The following APMAP variants were observed in gnomAD, a reference collection of about 807,000 sequenced individuals.
APMAP encodes adipocyte plasma membrane-associated protein.
APMAP carries 33 observed loss-of-function variants against 43.6 expected under a neutral mutation model. The observed-to-expected ratio is 0.76, with a 90% CI of 0.57 to 1.01. The LOEUF is 1.01. Ranked by LOEUF, APMAP falls within the 50% of genes least tolerant of loss-of-function variation. APMAP has a pLI of 0.00. For missense variants in APMAP, 498 were observed against 540.7 expected, an observed-to-expected ratio of 0.92 and a Z score of 0.78; for synonymous variants, 224 against 216.7, an observed-to-expected ratio of 1.03 and a Z score of -0.30.
rs536685656 is a variant in APMAP, at chr20:24,987,786, T to TA, written c.96-3768dup. ...GTGAATTACATCTCAATAAAGATGT[T>TA]AAAAAAAAACAAAAACAAAACAAAG... On this transcript the variant is annotated intron_variant, in intron 1 of 8. Transcript: ENST00000217456. 3.1e-4 allele frequency among the ~76,000 whole-genome samples: 47 copies of TA among 151,034 alleles called. No homozygotes were observed. The Middle Eastern group carries it at 0.014, about 44-fold the overall frequency.
Position 24,968,980 on chromosome 20 carries a change from A to C in APMAP, c.953T>G (p.Val318Gly). 1 of 1,614,022 alleles carries C rather than the reference A, an allele frequency of 6.2e-7. No homozygotes were observed. Among genetic ancestry groups the C allele is most frequent in the Non-Finnish European group, 8.5e-7 (1 of 1,179,988 alleles). ...GTTAGGGCGGATGGTCGACATGCCC[A>C]CCCAGTACCCCCCAGAGCTGCTGGG... is the stretch of plus-strand genomic sequence containing the variant. ...IRPSSSGGYW[V>G]GMSTIRPNPG... The change falls in exon 8 of 9, where the codon GTG (valine) becomes GGG (glycine). Residue 318 changes from valine (V) to glycine (G), a missense_variant. Coordinates refer to ENST00000217456, the MANE Select transcript of APMAP (RefSeq NM_020531.3).
Position 24,988,722 on chromosome 20 carries a change from C to T in APMAP, c.95+3872G>A, listed in dbSNP as rs118059533. Among the ~76,000 whole-genome samples, 110 of 152,358 alleles carry T rather than the reference C, an allele frequency of 7.2e-4. No individual in the cohort carries two copies. The East Asian group carries it at 0.017, about 23-fold the overall frequency. ...GCTGGACACCACTAACTCTATGCAG[C>T]TCCCTTCCCAGTCAGACTTCACCAA... On this transcript the variant is annotated intron_variant, in intron 1 of 8. Transcript: ENST00000217456.
chr20:24,983,659 T>G (rs2088123148), intron 2 of APMAP, among the ~76,000 whole-genome samples: 1 of 152,228 alleles, frequency 6.6e-6, no homozygotes, highest in South Asian at 2.1e-4. Context: ...TTCTCTAATT[T>G]TGAATTTTTG....
rs2087999373 is a variant in APMAP at position 24,971,469 on chromosome 20, G to T, written c.529C>A (p.Pro177Thr). The change falls in exon 5 of 9, where the codon CCC (proline) becomes ACC (threonine). Residue 177 changes from proline (P) to threonine (T), a missense_variant. Transcript: ENST00000217456. ...DAYKGLFEVN[P>T]WKREVKLLLS... ...AGATATTGTCACATACGTTTCCAGG[G>T]ATTTACTTCAAATAGTCCCTTGTAT... The T allele has an allele frequency of 1.9e-6, 3 of 1,613,348 alleles. No homozygotes were observed. Among genetic ancestry groups the T allele is most frequent in the Middle Eastern group, 1.7e-4 (1 of 6,054 alleles).
intron 5 of APMAP, 90 bp from the exon 6 acceptor site, chr20:24,970,461 G>C: frequency 6.0e-5 from 69 of 1,157,240 alleles, no homozygotes; most frequent in East Asian, 1.0e-4. Context: ...GATTTAAAAA[G>C]AAAAACTGAA....
chr20:24,967,068 T>C (rs1444301462), intron 8 of APMAP, among the ~76,000 whole-genome samples: 1 of 151,914 alleles, frequency 6.6e-6, no homozygotes, highest in Non-Finnish European at 1.5e-5. Context: ...CTGAGACGGG[T>C]GGATTACTTG....
intron 1 of APMAP, among the ~76,000 whole-genome samples, chr20:24,985,032 T>A (rs1295926372): frequency 6.6e-6 from 1 of 152,182 alleles, no homozygotes; most frequent in Non-Finnish European, 1.5e-5. Flanking sequence ...AGGGTTTGAT[T>A]TTTGACAGAA....
Position 24,972,337 on chromosome 20 carries a change from G to A in APMAP, c.422-761C>T, listed in dbSNP as rs534542189. Among the ~76,000 whole-genome samples the A allele has an allele frequency of 2.7e-5, 4 of 147,092 alleles. No homozygotes were observed. In the East Asian group the frequency reaches 8.3e-4, roughly 30 times the overall value. ...GGGCTTATTGCAAGATGTTCACTGT[G>A]GGGTGCTCACTGCAGGTGCTTATTG... is the stretch of plus-strand genomic sequence containing the variant. On this transcript the variant is annotated intron_variant, in intron 4 of 8. Coordinates refer to ENST00000217456, the MANE Select transcript of APMAP (RefSeq NM_020531.3).
chr20:24,986,607 T>G (rs1600290845), intron 1 of APMAP, among the ~76,000 whole-genome samples: 1 of 151,624 alleles, frequency 6.6e-6, no homozygotes, highest in Non-Finnish European at 1.5e-5. Flanking sequence ...ACCTGAGAGG[T>G]CTGCAGCAGG....
chr20:24,973,218 G>T lies in APMAP; in HGVS notation c.421+427C>A, dbSNP rs150095113. On this transcript the variant is annotated intron_variant, in intron 4 of 8. Coordinates refer to ENST00000217456, the MANE Select transcript of APMAP (RefSeq NM_020531.3). ...TTTCCAAAATTTGAATGACTTAAGGGTATTCTCACTTACAGGGCTGAAATT... is the reference window on the plus strand; with the variant it reads ...TTTCCAAAATTTGAATGACTTAAGGTTATTCTCACTTACAGGGCTGAAATT... 1.7e-3 allele frequency among the ~76,000 whole-genome samples: 252 copies of T among 152,294 alleles called. 2 individuals are homozygous for T. The highest frequency in any genetic ancestry group is 3.0e-3 in the Admixed American group (46 of 15,304).
chr20:24,985,915 G>A (rs76962270), intron 1 of APMAP, among the ~76,000 whole-genome samples: 2,313 of 152,272 alleles, frequency 0.015, 71 homozygotes, highest in African/African-American at 0.052. Flanking sequence ...AGGATGTCAC[G>A]AGCATGGGAT....
chr20:24,964,955 T>C (rs1465795571), intron 8 of APMAP, among the ~76,000 whole-genome samples: 1 of 152,148 alleles, frequency 6.6e-6, no homozygotes, highest in Admixed American at 6.5e-5. Flanking sequence ...GGAAATGCCA[T>C]CTCCTGCTGT....
Position 24,978,002 on chromosome 20 carries a change from G to A in APMAP, c.328+765C>T, listed in dbSNP as rs979080423. 3.3e-5 allele frequency among the ~76,000 whole-genome samples: 5 copies of A among 152,184 alleles called. No homozygotes were observed. The South Asian group carries it at 1.0e-3, about 32-fold the overall frequency. ...AAACGTCACTAGAAGAGAGGCCACT[G>A]ACCGGCCTTGAGAGCACAACAGAAG... On this transcript the variant is annotated intron_variant, in intron 3 of 8. Transcript: ENST00000217456.
At chr20:24,980,424 C>G (rs1182804281) in intron 2 of APMAP, among the ~76,000 whole-genome samples, 1 of 152,226 alleles carries the variant, frequency 6.6e-6, no homozygotes, top group South Asian at 2.1e-4. Flanking sequence ...CTGCCAGCTT[C>G]GCTCGGCCTC....
At chr20:24,968,173 A>G (rs2122484697) in intron 8 of APMAP, among the ~76,000 whole-genome samples, 1 of 152,372 alleles carries the variant, frequency 6.6e-6, no homozygotes, top group Non-Finnish European at 1.5e-5. Flanking sequence ...TCCACAGTGT[A>G]AACGTGCTGA....
At chr20:24,987,663 GA>G (rs1189170089) in intron 1 of APMAP, among the ~76,000 whole-genome samples, 1 of 152,072 alleles carries the variant, frequency 6.6e-6, no homozygotes, top group Non-Finnish European at 1.5e-5. Flanking sequence ...ACAGTGACAA[GA>G]ATGTTCTAAA....
chr20:24,972,555 GGGTCCTCACTGAA>G (rs2088014463), intron 4 of APMAP, among the ~76,000 whole-genome samples: 1 of 150,832 alleles, frequency 6.6e-6, no homozygotes, highest in Non-Finnish European at 1.5e-5. Context: ...GTTCACTGTG[GGGTCCTCACTGAA>G]GGTGCTCACT....
rs2122475581 is a variant in APMAP at position 24,964,591 on chromosome 20, T to C, written c.1042-569A>G. On this transcript the variant is annotated intron_variant, in intron 8 of 8. Transcript: ENST00000217456. The stretch of plus-strand genomic sequence containing the variant: ...GGGCGTGCAGATCCTGAGGGACGCC[T>C]ACAGGGACGGAGGCAAAAGAGCTTA... Among the ~76,000 whole-genome samples, 2 of 152,180 alleles carry C rather than the reference T, an allele frequency of 1.3e-5. 1 individual carries two copies. The highest frequency in any genetic ancestry group is 4.2e-4 in the South Asian group (2 of 4,816).
intron 3 of APMAP, among the ~76,000 whole-genome samples, chr20:24,976,753 T>C (rs1038867122): frequency 6.6e-6 from 1 of 152,224 alleles, no homozygotes; most frequent in Non-Finnish European, 1.5e-5. Context: ...ACCAGCCTTA[T>C]TCATAACTGC....
Sources: gnomAD v4.1 joint callset for allele counts (sites outside exome capture counted in the v4.1 genomes callset) on GRCh38, gnomAD v4.1.1 for gene constraint, MANE v1.5 for transcripts, NCBI Gene and HGNC (gene_info 2026-07-23, HGNC 2026-07-21) for gene names.